DNAJA2: variants seen among roughly 807,000 people sequenced by gnomAD.
DNAJA2 encodes DnaJ heat shock protein family (Hsp40) member A2.
In DNAJA2, 6 loss-of-function variants were observed where a neutral mutation model predicts 49.3. The observed-to-expected ratio is 0.12, with a 90% CI of 0.07 to 0.24. The LOEUF (loss-of-function observed/expected upper bound fraction) is 0.24. DNAJA2 is among the 10% of genes least tolerant of loss of function. The probability of loss-of-function intolerance (pLI) is 1.00; values close to 1 mark genes in which losing one functional copy is unlikely to be tolerated. For missense variants in DNAJA2, 347 were observed against 516.8 expected, an observed-to-expected ratio of 0.67 and a Z score of 3.19; for synonymous variants, 160 against 172.7, an observed-to-expected ratio of 0.93 and a Z score of 0.58.
chr16:46,968,639 C>A (rs1218503277), intron 3 of DNAJA2, among the ~76,000 whole-genome samples: 1 of 152,132 alleles, frequency 6.6e-6, no homozygotes, highest in Non-Finnish European at 1.5e-5. Flanking sequence ...CCTCCATGGA[C>A]AATTTAGAAA....
chr16:46,967,658 AC>A lies in DNAJA2; in HGVS notation c.444-13del, dbSNP rs1961991694. On this transcript the variant is annotated splice_polypyrimidine_tract_variant and intron_variant, in intron 4 of 8. Coordinates refer to ENST00000317089, the MANE Select transcript of DNAJA2 (RefSeq NM_005880.4). ...ACTTTCCGCCTTGGCTAAAGCAAGCACAAGTTATGCATTAGGTTTTTGTCCA... is the reference window on the plus strand; with the variant it reads ...ACTTTCCGCCTTGGCTAAAGCAAGCAAAGTTATGCATTAGGTTTTTGTCCA... The A allele has an allele frequency of 6.2e-7, 1 of 1,614,056 alleles. No homozygotes were observed. Among genetic ancestry groups the A allele is most frequent in the South Asian group, 1.1e-5 (1 of 91,076 alleles).
intron 3 of DNAJA2, among the ~76,000 whole-genome samples, chr16:46,968,867 G>C (rs1180425696): frequency 6.6e-6 from 1 of 152,132 alleles, no homozygotes; most frequent in Non-Finnish European, 1.5e-5. Flanking sequence ...GCAACTTAGA[G>C]AGACCTCATC....
chr16:46,961,165 G>C (rs1051676921), intron 6 of DNAJA2, among the ~76,000 whole-genome samples: 15 of 152,294 alleles, frequency 9.8e-5, no homozygotes, highest in African/African-American at 3.6e-4. Flanking sequence ...GGGAGGCTGA[G>C]GCAGGTGGAT....
In DNAJA2 at chr16:46,971,391, C is replaced by T. The variant is rs143994918; in HGVS notation, c.320G>A (p.Arg107Gln). The T allele has an allele frequency of 4.3e-6, 7 of 1,613,836 alleles. No homozygotes were observed. The highest frequency in any genetic ancestry group is 1.3e-5 in the African/African-American group (1 of 74,870). ...GTCCTCTCCTCTTCTTCTGCCATTT[C>T]GACTTCTACTCTGATTGCCCATGAA... is the stretch of plus-strand genomic sequence containing the variant. ...FGFMGNQSRSRNGRRRGEDMM... is the reference protein window; with the variant it reads ...FGFMGNQSRSQNGRRRGEDMM... The change falls in exon 3 of 9, where the codon CGA (arginine) becomes CAA (glutamine). Residue 107 changes from arginine (R) to glutamine (Q), a missense_variant. Coordinates refer to ENST00000317089, the MANE Select transcript of DNAJA2 (RefSeq NM_005880.4).
At chr16:46,967,322 C>CT (rs1476147755) in intron 5 of DNAJA2, among the ~76,000 whole-genome samples, 191 bp downstream of exon 5, 1 of 152,100 alleles carries the variant, frequency 6.6e-6, no homozygotes, top group African/African-American at 2.4e-5. Context: ...GCCTCAAACT[C>CT]CTGGGCTCGA....
chr16:46,959,167 A>G (rs1247324088), intron 7 of DNAJA2, 37 bp from the exon 8 acceptor site: 1 of 1,577,516 alleles, frequency 6.3e-7, no homozygotes, highest in African/African-American at 1.4e-5. Flanking sequence ...AATTTTACCC[A>G]AAAGAGGTGT....
Position 46,971,477 on chromosome 16 carries a change from G to A in DNAJA2, c.234C>T (p.Ser78=), listed in dbSNP as rs1256715474. Residue 78 remains serine (S), a synonymous_variant, in exon 3 of 9, where the codon AGC becomes AGT. Transcript: ENST00000317089. The part of the protein sequence containing the change: ...RYGEQGLREG[S]GGGGGMDDIF... ...TATCATCCATGCCACCACCTCCGCC[G>A]CTGCCTTCCCGAAGACCTTGCTCTC... is the stretch of plus-strand genomic sequence containing the variant. 19 of 1,613,672 alleles carry A rather than the reference G, an allele frequency of 1.2e-5. No homozygotes were observed. Among genetic ancestry groups the A allele is most frequent in the Non-Finnish European group, 1.5e-5 (18 of 1,179,894 alleles).
At chr16:46,970,760 C>T (rs974731702) in intron 3 of DNAJA2, among the ~76,000 whole-genome samples, 2 of 27,378 alleles carry the variant, frequency 7.3e-5, no homozygotes, top group Admixed American at 5.7e-4. Flanking sequence ...AAAAAAAGGT[C>T]GGGCACAGTG....
At chr16:46,961,126 G>A (rs1961890059) in intron 6 of DNAJA2, among the ~76,000 whole-genome samples, 1 of 152,204 alleles carries the variant, frequency 6.6e-6, no homozygotes, top group African/African-American at 2.4e-5. Flanking sequence ...GATGCATGCA[G>A]TGGCTCATGC....
chr16:46,968,248 TC>T (rs756405984), intron 3 of DNAJA2, 84 bp from the exon 4 acceptor site: 35 of 871,566 alleles, frequency 4.0e-5, no homozygotes, highest in Non-Finnish European at 5.9e-5. Flanking sequence ...TACAGCAAAT[TC>T]GTTATCAACT....
intron 2 of DNAJA2, 156 bp downstream of exon 2, chr16:46,971,740 G>A (rs1196995508): frequency 2.1e-5 from 18 of 857,428 alleles, no homozygotes; most frequent in Non-Finnish European, 3.2e-5. Flanking sequence ...CAGAATGGTA[G>A]TACTCTTATT....
At chr16:46,971,660 C>G in intron 2 of DNAJA2, 88 bp from the exon 3 acceptor site, 1 of 172,724 alleles carries the variant, frequency 5.8e-6, no homozygotes, top group Non-Finnish European at 9.4e-6. Flanking sequence ...CCATTTAATT[C>G]TAAAAAAAAA....
At chr16:46,973,454 G>A in intron 1 of DNAJA2, 41 bp downstream of exon 1, 1 of 1,556,934 alleles carries the variant, frequency 6.4e-7, no homozygotes, top group African/African-American at 1.4e-5. Context: ...GGCCGCGCAG[G>A]CCCCGCGCCC....
Position 46,967,983 on chromosome 16 carries a change from G to GT in DNAJA2, c.443+100dup, listed in dbSNP as rs1961996844. 7.6e-6 allele frequency: 9 copies of GT among 1,178,802 alleles called. No homozygotes were observed. The East Asian group carries it at 1.7e-4, about 22-fold the overall frequency. 73.0% of individuals were successfully genotyped at this position (1,178,802 alleles called of 1,614,324 possible). A position where few individuals can be genotyped will look rare whatever the true frequency, so the allele number is the denominator to read the frequency against. On this transcript the variant is annotated intron_variant, in intron 4 of 8. Coordinates refer to ENST00000317089, the MANE Select transcript of DNAJA2 (RefSeq NM_005880.4). ...CAGGTGTGAGCCACCGCACCCAGCC[G>GT]TAAGTTTTAACTTATAACAATTTTT...
At chr16:46,962,607 G>C (rs890461101) in intron 6 of DNAJA2, among the ~76,000 whole-genome samples, 2 of 152,146 alleles carry the variant, frequency 1.3e-5, no homozygotes, top group Non-Finnish European at 2.9e-5. Flanking sequence ...TCCTGGTATG[G>C]TGGTGTGCAC....
chr16:46,970,757 G>A (rs1204718704), intron 3 of DNAJA2, among the ~76,000 whole-genome samples: 20 of 26,586 alleles, frequency 7.5e-4, no homozygotes, highest in East Asian at 2.1e-3. Flanking sequence ...AAAAAAAAAA[G>A]GTCGGGCACA....
intron 6 of DNAJA2, among the ~76,000 whole-genome samples, chr16:46,961,009 A>G (rs918197805): frequency 6.6e-6 from 1 of 151,902 alleles, no homozygotes; most frequent in Non-Finnish European, 1.5e-5. Context: ...CCTGTCTCTT[A>G]AACATAATAA....
chr16:46,973,637 A>C lies in DNAJA2; in HGVS notation c.-65T>G. The C allele has an allele frequency of 6.6e-7, 1 of 1,524,756 alleles. No individual in the cohort carries two copies. Among genetic ancestry groups the C allele is most frequent in the Non-Finnish European group, 8.8e-7 (1 of 1,131,046 alleles). 94.5% of individuals were successfully genotyped at this position (1,524,756 alleles called of 1,614,324 possible). On this transcript the variant is annotated 5_prime_UTR_variant, in exon 1 of 9. Coordinates refer to ENST00000317089, the MANE Select transcript of DNAJA2 (RefSeq NM_005880.4). ...GCAGACAGAGCGGAGTCGGGCCCAC[A>C]AGCGGCGTCGGCGGCGGCACAGGCC...
chr16:46,957,916 TTACTCCTC>T (rs1961838501), intron 8 of DNAJA2, among the ~76,000 whole-genome samples: 1 of 151,934 alleles, frequency 6.6e-6, no homozygotes, highest in South Asian at 2.1e-4. Context: ...CGGGTCTACT[TTACTCCTC>T]TACAATTCCC....
Sources: gnomAD v4.1 joint callset for allele counts (sites outside exome capture counted in the v4.1 genomes callset) on GRCh38, gnomAD v4.1.1 for gene constraint, MANE v1.5 for transcripts, NCBI Gene and HGNC (gene_info 2026-07-23, HGNC 2026-07-21) for gene names.